The following MRAP2 variants were observed in gnomAD, a reference collection of about 807,000 sequenced individuals.
The protein encoded by MRAP2 is melanocortin-2 receptor accessory protein 2.
In MRAP2, 20 loss-of-function variants were observed where a neutral mutation model predicts 17.4. The observed-to-expected ratio is 1.15, with a 90% CI of 0.81 to 1.67. The LOEUF (loss-of-function observed/expected upper bound fraction) is 1.67, where lower values mean the gene tolerates loss of function less well. Among genes scored for constraint, MRAP2 ranks in the 40% most tolerant of loss-of-function variants. MRAP2 has a pLI of 0.00. For synonymous variants in MRAP2, 96 were observed against 88.4 expected (o/e 1.09, Z -0.48); for missense variants, 238 against 240.0 (o/e 0.99, Z 0.05).
intron 3 of MRAP2, among the ~76,000 whole-genome samples, chr6:84,072,964 G>A (rs1161066786): frequency 6.6e-6 from 1 of 152,216 alleles, no homozygotes; most frequent in East Asian, 1.9e-4. Flanking sequence ...CAGGCAATGG[G>A]CAGCCAGACT....
chr6:84,108,721 T>C, the MRAP2 span, among the ~76,000 whole-genome samples: 1 of 152,350 alleles, frequency 6.6e-6, no homozygotes. Context: ...TCAAGTGCTA[T>C]TGGCATCTTT....
At chr6:84,115,674 C>G in the MRAP2 span, among the ~76,000 whole-genome samples, 18 of 152,230 alleles carry the variant, frequency 1.2e-4, no homozygotes, top group East Asian at 3.3e-3. Flanking sequence ...AATGGCTGCC[C>G]AGTTTTGTGC....
the MRAP2 span, among the ~76,000 whole-genome samples, chr6:84,138,483 T>C: frequency 6.6e-6 from 1 of 152,148 alleles, no homozygotes; most frequent in Non-Finnish European, 1.5e-5. Flanking sequence ...GTCCTCAAAC[T>C]AGTCTTGTCA....
chr6:84,054,080 G>A (rs1038902431), intron 1 of MRAP2, among the ~76,000 whole-genome samples: 1 of 152,082 alleles, frequency 6.6e-6, no homozygotes, highest in African/African-American at 2.4e-5. Flanking sequence ...CTTGAAGTGG[G>A]GCTGCTTCAA....
At chr6:84,135,393 T>G in the MRAP2 span, among the ~76,000 whole-genome samples, 3 of 152,200 alleles carry the variant, frequency 2.0e-5, no homozygotes, top group Non-Finnish European at 4.4e-5. Flanking sequence ...TATCACTGAC[T>G]GCTGGCAGGA....
intron 3 of MRAP2, among the ~76,000 whole-genome samples, chr6:84,080,578 G>A (rs975469688): frequency 1.3e-4 from 20 of 152,186 alleles, no homozygotes; most frequent in African/African-American, 4.3e-4. Flanking sequence ...GAGCAACAAA[G>A]GTAGTTTGGA....
intron 3 of MRAP2, among the ~76,000 whole-genome samples, chr6:84,068,327 C>G (rs2099495290): frequency 6.6e-6 from 1 of 152,074 alleles, no homozygotes; most frequent in South Asian, 2.1e-4. Context: ...TATGATCCCT[C>G]CAGATTTGTT....
At position 84,078,256 on chromosome 6, in the gene MRAP2, T is replaced by C. The variant is rs557760136; in HGVS notation, c.228-10835T>C. On this transcript the variant is annotated intron_variant, in intron 3 of 3. Coordinates refer to ENST00000257776, the MANE Select transcript of MRAP2 (RefSeq NM_138409.4). Reference sequence around the variant, plus strand: ...ACACATAACTGACAAAGAACTCATATTCCGCATATATTATAAAACTTCCAC... The same window carrying C: ...ACACATAACTGACAAAGAACTCATACTCCGCATATATTATAAAACTTCCAC... Among the ~76,000 whole-genome samples the C allele has an allele frequency of 5.3e-5, 8 of 152,322 alleles. No individual in the cohort carries two copies. In the South Asian group the frequency reaches 1.7e-3, roughly 32 times the overall value.
chr6:84,087,619 CAAA>C (rs1380723371), intron 3 of MRAP2, among the ~76,000 whole-genome samples: 1 of 152,168 alleles, frequency 6.6e-6, no homozygotes, highest in African/African-American at 2.4e-5. Context: ...TACAGAAAGA[CAAA>C]GAAGACCATG....
At chr6:84,107,637 G>C in the MRAP2 span, among the ~76,000 whole-genome samples, 2 of 152,218 alleles carry the variant, frequency 1.3e-5, no homozygotes, top group African/African-American at 4.8e-5. Context: ...AAGGTGTACT[G>C]CTGGCCTTAC....
At chr6:84,137,441 T>G in the MRAP2 span, among the ~76,000 whole-genome samples, 11 of 152,178 alleles carry the variant, frequency 7.2e-5, no homozygotes, top group Admixed American at 3.9e-4. Context: ...AGTAAGAATT[T>G]TGATAATTCT....
chr6:84,142,498 C>T, the MRAP2 span, among the ~76,000 whole-genome samples: 1 of 151,968 alleles, frequency 6.6e-6, no homozygotes, highest in Non-Finnish European at 1.5e-5. Context: ...AATTGGCTTA[C>T]AGAAAAAGAA....
chr6:84,059,248 C>A (rs1158340155), intron 2 of MRAP2, among the ~76,000 whole-genome samples: 1 of 152,072 alleles, frequency 6.6e-6, no homozygotes, highest in African/African-American at 2.4e-5. Flanking sequence ...GATACCAGAC[C>A]CATGCATGGA....
chr6:84,138,612 C>T, the MRAP2 span, among the ~76,000 whole-genome samples: 1 of 152,182 alleles, frequency 6.6e-6, no homozygotes, highest in Middle Eastern at 3.2e-3. Context: ...GAGTGCTTAG[C>T]TTTCTAGTAG....
chr6:84,066,412 T>C (rs1160590177), intron 3 of MRAP2, among the ~76,000 whole-genome samples: 3 of 152,170 alleles, frequency 2.0e-5, no homozygotes, highest in African/African-American at 7.2e-5. Context: ...TGGAAAAACA[T>C]TGAAATAAAT....
At chr6:84,132,165 T>C in the MRAP2 span, among the ~76,000 whole-genome samples, 4 of 152,240 alleles carry the variant, frequency 2.6e-5, no homozygotes, top group Non-Finnish European at 4.4e-5. Context: ...TGTTGAATGT[T>C]GGCCCCCACT....
At chr6:84,138,057 A>G in the MRAP2 span, among the ~76,000 whole-genome samples, 1 of 152,228 alleles carries the variant, frequency 6.6e-6, no homozygotes, top group South Asian at 2.1e-4. Flanking sequence ...CTGAAAACTT[A>G]TAAATCATTG....
chr6:84,060,999 C>T (rs560120608), intron 2 of MRAP2, among the ~76,000 whole-genome samples: 80 of 151,924 alleles, frequency 5.3e-4, no homozygotes, highest in African/African-American at 1.9e-3. Flanking sequence ...GCGCCTGGCC[C>T]TTATGTCTTT....
the MRAP2 span, among the ~76,000 whole-genome samples, chr6:84,142,501 A>G: frequency 2.6e-5 from 4 of 152,282 alleles, no homozygotes; most frequent in East Asian, 7.7e-4. Context: ...TGGCTTACAG[A>G]AAAAGAAGCA....
Sources: gnomAD v4.1 joint callset for allele counts (sites outside exome capture counted in the v4.1 genomes callset) on GRCh38, gnomAD v4.1.1 for gene constraint, MANE v1.5 for transcripts, NCBI Gene and HGNC (gene_info 2026-07-23, HGNC 2026-07-21) for gene names.